CWF19L2: variants seen among roughly 807,000 people sequenced by gnomAD.
CWF19L2 encodes the protein CWF19 like cell cycle control factor 2.
In CWF19L2, 98 loss-of-function variants were observed where a neutral mutation model predicts 111.7. The observed-to-expected ratio is 0.88, with a 90% CI of 0.75 to 1.04. The LOEUF is 1.04. Among genes scored for constraint, CWF19L2 ranks in the 50% least tolerant of loss-of-function variants. The pLI, the probability that CWF19L2 is intolerant of heterozygous loss-of-function variation, is 0.00. For synonymous variants in CWF19L2, 351 were observed against 342.9 expected (o/e 1.02, Z -0.26); for missense variants, 1,101 against 1,051.4 (o/e 1.05, Z -0.65).
At chr11:107,346,294 A>G (rs560038481) in intron 14 of CWF19L2, among the ~76,000 whole-genome samples, 3 of 152,302 alleles carry the variant, frequency 2.0e-5, no homozygotes, top group Admixed American at 6.5e-5. Context: ...TATGCAACAG[A>G]ACAGAACACA....
rs544623627 is a variant in CWF19L2 at position 107,396,617 on chromosome 11, A to T, written c.1618-3722T>A. Among the ~76,000 whole-genome samples, 5 of 152,364 alleles carry T rather than the reference A, an allele frequency of 3.3e-5. No homozygotes were observed. In the East Asian group the frequency reaches 9.6e-4, roughly 29 times the overall value. The stretch of plus-strand genomic sequence containing the variant: ...GATAATAAATTTCTCCCACAAGTGC[A>T]TATCATTTTTATAGTAATAAAAATT... On this transcript the variant is annotated intron_variant, in intron 10 of 17. Transcript: ENST00000282251.
At chr11:107,424,452 T>A (rs1299664264) in intron 8 of CWF19L2, among the ~76,000 whole-genome samples, 25 of 108,454 alleles carry the variant, frequency 2.3e-4, no homozygotes, top group Admixed American at 1.7e-3. Context: ...CACCCTTTTA[T>A]AATAAAAAAA....
At chr11:107,445,065 AATC>A (rs1056668926) in intron 3 of CWF19L2, among the ~76,000 whole-genome samples, 15 of 152,174 alleles carry the variant, frequency 9.9e-5, no homozygotes, top group African/African-American at 3.4e-4. Flanking sequence ...GAGAAATAGA[AATC>A]AGCAAAAATT....
Position 107,456,441 on chromosome 11 carries a change from G to C in CWF19L2, c.106-665C>G, listed in dbSNP as rs77968802. Among the ~76,000 whole-genome samples the C allele has an allele frequency of 6.7e-4, 102 of 152,078 alleles. 1 individual carries two copies. The highest frequency in any genetic ancestry group is 3.5e-3 in the East Asian group (18 of 5,184). On this transcript the variant is annotated intron_variant, in intron 1 of 17. Coordinates refer to ENST00000282251, the MANE Select transcript of CWF19L2 (RefSeq NM_152434.3). ...ACTGCTGGAAATACCAAAGAGAAAA[G>C]AATGAATAATATATATATACCCACA...
At chr11:107,401,646 G>A (rs1236013501) in intron 10 of CWF19L2, among the ~76,000 whole-genome samples, 1 of 152,016 alleles carries the variant, frequency 6.6e-6, no homozygotes, top group Non-Finnish European at 1.5e-5. Flanking sequence ...TTGTGAAAAT[G>A]ACCATACTGC....
intron 12 of CWF19L2, among the ~76,000 whole-genome samples, chr11:107,355,227 C>T (rs933550501): frequency 6.6e-6 from 1 of 152,072 alleles, no homozygotes; most frequent in African/African-American, 2.4e-5. Context: ...ACCAGCCTGA[C>T]CAACATGGTG....
intron 12 of CWF19L2, among the ~76,000 whole-genome samples, chr11:107,383,907 C>T (rs1046507125): frequency 1.3e-5 from 2 of 152,270 alleles, no homozygotes; most frequent in Admixed American, 1.3e-4. Flanking sequence ...GGTGTTACTT[C>T]CAAAAGACTT....
chr11:107,437,699 A>G (rs1042754686), intron 6 of CWF19L2, among the ~76,000 whole-genome samples: 1 of 152,176 alleles, frequency 6.6e-6, no homozygotes, highest in Admixed American at 6.5e-5. Flanking sequence ...CTGCTGTTTC[A>G]GTCTGCTAAA....
chr11:107,434,672 C>CAAAAA (rs71044301), intron 6 of CWF19L2, among the ~76,000 whole-genome samples: 1 of 115,818 alleles, frequency 8.6e-6, no homozygotes, highest in African/African-American at 3.1e-5. Context: ...TATTACACAG[C>CAAAAA]AAAAAAAAAA....
intron 6 of CWF19L2, among the ~76,000 whole-genome samples, chr11:107,433,999 A>T (rs1326522874): frequency 6.7e-6 from 1 of 149,570 alleles, no homozygotes; most frequent in Non-Finnish European, 1.5e-5. Flanking sequence ...AGAAAATTGC[A>T]ATCTAAGAGA....
chr11:107,353,832 A>G (rs941459344), intron 12 of CWF19L2, 96 bp from the exon 13 acceptor site: 3 of 825,062 alleles, frequency 3.6e-6, no homozygotes, highest in Non-Finnish European at 5.8e-6. Flanking sequence ...AAGTTCTATG[A>G]TAAAACTAAT....
chr11:107,419,408 C>A (rs927934792), intron 8 of CWF19L2, among the ~76,000 whole-genome samples: 1 of 152,116 alleles, frequency 6.6e-6, no homozygotes, highest in Non-Finnish European at 1.5e-5. Flanking sequence ...TAGCACTCAA[C>A]AAGGTAGTCT....
intron 6 of CWF19L2, 123 bp downstream of exon 6, chr11:107,438,967 G>A (rs1284989955): frequency 9.0e-6 from 5 of 554,778 alleles, no homozygotes; most frequent in South Asian, 2.4e-5. Context: ...TTGAGGGGGA[G>A]GTGGAGGCTG....
rs141899660 is a variant in CWF19L2, at chr11:107,420,043, A to T, written c.1434-1756T>A. 4.0e-3 allele frequency among the ~76,000 whole-genome samples: 616 copies of T among 152,188 alleles called. 1 individual carries two copies. The highest frequency in any genetic ancestry group is 0.012 in the African/African-American group (496 of 41,568). On this transcript the variant is annotated intron_variant, in intron 8 of 17. Coordinates refer to ENST00000282251, the MANE Select transcript of CWF19L2 (RefSeq NM_152434.3). Reference sequence around the variant, plus strand: ...ACAAAGCAACCACTATTTAAAAAAAAATATATAGCAACCAAGGAAATGAAA... The same window carrying T: ...ACAAAGCAACCACTATTTAAAAAAATATATATAGCAACCAAGGAAATGAAA...
chr11:107,457,714 GGC>G lies in CWF19L2; in HGVS notation c.101_102del (p.Arg34ProfsTer3), dbSNP rs751007112. The G allele has an allele frequency of 5.2e-6, 8 of 1,550,464 alleles. No homozygotes were observed. The South Asian group carries it at 9.5e-5, about 18-fold the overall frequency. On this transcript the variant is annotated frameshift_variant, in exon 1 of 18. Coordinates refer to ENST00000282251, the MANE Select transcript of CWF19L2 (RefSeq NM_152434.3). LOFTEE classifies it high-confidence loss of function. Reference protein sequence around the residue: ...QTRNARAEVLRQAKANFEKEE... With the variant: ...QTRNARAEVLXQAKANFEKEE... ...CAAAAGCCCCAAAACAGAGGTACCT[GGC>G]GCAACACCTCGGCCCTGGCATTCCG...
intron 14 of CWF19L2, among the ~76,000 whole-genome samples, chr11:107,340,116 G>A (rs1165326911): frequency 6.6e-6 from 1 of 152,044 alleles, no homozygotes; most frequent in African/African-American, 2.4e-5. Flanking sequence ...TCATATCAGA[G>A]TATTTTGCAG....
chr11:107,357,709 A>G (rs910184675), intron 12 of CWF19L2, among the ~76,000 whole-genome samples: 1 of 152,130 alleles, frequency 6.6e-6, no homozygotes, highest in Non-Finnish European at 1.5e-5. Flanking sequence ...AATTATTTGC[A>G]TTTTTACTCA....
chr11:107,400,228 C>T (rs899572947), intron 10 of CWF19L2, among the ~76,000 whole-genome samples: 5 of 122,314 alleles, frequency 4.1e-5, no homozygotes, highest in Admixed American at 2.5e-4. Flanking sequence ...CAGAGCAGAA[C>T]TAAATGAAAT....
rs775848799 is a variant in CWF19L2, at chr11:107,455,769, G to A, written c.113C>T (p.Ala38Val). 2 of 1,547,682 alleles carry A rather than the reference G, an allele frequency of 1.3e-6. No homozygotes were observed. Among genetic ancestry groups the A allele is most frequent in the South Asian group, 2.4e-5 (2 of 83,478 alleles). ...ARAEVLRQAKANFEKEERRKE... is the reference protein window; with the variant it reads ...ARAEVLRQAKVNFEKEERRKE... ...ACGCCTTTCTTCTTTTTCAAAATTG[G>A]CTTTAGCCTACAACCAAAGAAAAAA... Residue 38 changes from alanine to valine, a missense_variant, in exon 2 of 18, where the codon GCC (alanine) becomes GTC (valine). Coordinates refer to ENST00000282251, the MANE Select transcript of CWF19L2 (RefSeq NM_152434.3).
Sources: gnomAD v4.1 joint callset for allele counts (sites outside exome capture counted in the v4.1 genomes callset) on GRCh38, gnomAD v4.1.1 for gene constraint, MANE v1.5 for transcripts, NCBI Gene and HGNC (gene_info 2026-07-23, HGNC 2026-07-21) for gene names.